Variants in ASZ1 observed in about 807,000 individuals in gnomAD.
ASZ1 encodes ankyrin repeat, SAM and basic leucine zipper domain-containing protein 1.
Under a neutral mutation model 61.8 loss-of-function variants are expected in ASZ1, and 67 were observed. The observed-to-expected ratio is 1.08, with a 90% confidence interval of 0.89 to 1.33. ASZ1 has a LOEUF of 1.33. ASZ1 is among the 40% of genes most tolerant of loss of function. The pLI, the probability that ASZ1 is intolerant of heterozygous loss-of-function variation, is 0.00. For synonymous variants in ASZ1, 193 were observed against 192.7 expected (o/e 1.00, Z -0.01); for missense variants, 577 against 554.5 (o/e 1.04, Z -0.41).
intron 11 of ASZ1, chr7:117,367,905 A>C: frequency 6.1e-6 from 6 of 979,000 alleles, no homozygotes; most frequent in Non-Finnish European, 7.3e-6. Flanking sequence ...TTTTTGAGAA[A>C]GTGTCTTGTT....
intron 4 of ASZ1, among the ~76,000 whole-genome samples, chr7:117,409,531 G>A (rs1054781415): frequency 6.6e-5 from 10 of 151,736 alleles, no homozygotes; most frequent in African/African-American, 2.2e-4. Context: ...ATATGTTCAG[G>A]AAGAACACAT....
intron 5 of ASZ1, among the ~76,000 whole-genome samples, chr7:117,385,267 CT>C (rs1192639927): frequency 2.7e-5 from 4 of 149,684 alleles, no homozygotes; most frequent in African/African-American, 7.4e-5. Context: ...CTTTTCTTTT[CT>C]TTTTTTTTGA....
At chr7:117,370,540 C>G (rs536075850) in intron 10 of ASZ1, among the ~76,000 whole-genome samples, 1 of 152,156 alleles carries the variant, frequency 6.6e-6, no homozygotes, top group South Asian at 2.1e-4. Flanking sequence ...TAGAAACAAC[C>G]AAGAAACTTA....
chr7:117,365,207 G>T (rs1327929325), intron 12 of ASZ1, among the ~76,000 whole-genome samples: 5 of 152,086 alleles, frequency 3.3e-5, no homozygotes, highest in Admixed American at 3.3e-4. Flanking sequence ...CTTGCCCAAA[G>T]AACTGTATTT....
chr7:117,366,525 T>C (rs1156563560), intron 12 of ASZ1, among the ~76,000 whole-genome samples: 2 of 152,014 alleles, frequency 1.3e-5, no homozygotes, highest in Non-Finnish European at 2.9e-5. Flanking sequence ...GTGAGCTCTT[T>C]AGTCGACTGG....
chr7:117,427,114 T>C (rs1797236396), intron 1 of ASZ1, among the ~76,000 whole-genome samples, 179 bp from the exon 2 acceptor site: 1 of 152,172 alleles, frequency 6.6e-6, no homozygotes, highest in Non-Finnish European at 1.5e-5. Context: ...TAGGTAATGA[T>C]GGATCCAAAC....
chr7:117,382,193 C>T lies in ASZ1; in HGVS notation c.813-49G>A, dbSNP rs377254051. 4.5e-6 allele frequency: 5 copies of T among 1,100,742 alleles called. No individual in the cohort carries two copies. In the African/African-American group the frequency reaches 6.3e-5, roughly 14 times the overall value. 68.2% of individuals were successfully genotyped at this position (1,100,742 alleles called of 1,614,324 possible). On this transcript the variant is annotated intron_variant, in intron 7 of 12. Coordinates refer to ENST00000284629, the MANE Select transcript of ASZ1 (RefSeq NM_130768.3). Reference sequence around the variant, plus strand: ...AATTTCAGAACAGATTATAAATGCACAAGCGATAAATATACATTTATATTG... The same window carrying T: ...AATTTCAGAACAGATTATAAATGCATAAGCGATAAATATACATTTATATTG...
At chr7:117,364,966 C>CTT (rs142204744) in intron 12 of ASZ1, among the ~76,000 whole-genome samples, 3,465 of 152,236 alleles carry the variant, frequency 0.023, 130 homozygotes, top group African/African-American at 0.079. Flanking sequence ...CACCCTCTCT[C>CTT]TGTTACCTCC....
intron 4 of ASZ1, among the ~76,000 whole-genome samples, chr7:117,409,603 T>C (rs2116516383): frequency 6.6e-6 from 1 of 151,998 alleles, no homozygotes; most frequent in East Asian, 1.9e-4. Flanking sequence ...ATCTGTTTAA[T>C]AAAAATGAAT....
At chr7:117,426,977 T>G in intron 1 of ASZ1, 42 bp from the exon 2 acceptor site, 1 of 1,541,664 alleles carries the variant, frequency 6.5e-7, no homozygotes, top group Non-Finnish European at 8.7e-7. Context: ...TTATATATAT[T>G]TTTGTTTCCA....
intron 10 of ASZ1, 105 bp downstream of exon 10, chr7:117,379,833 A>G (rs1219095086): frequency 1.0e-5 from 7 of 678,996 alleles, no homozygotes; most frequent in African/African-American, 1.8e-5. Context: ...ACCCTGGGAA[A>G]ATGATGGTAT....
chr7:117,394,913 G>C (rs1463672942), intron 4 of ASZ1, among the ~76,000 whole-genome samples: 4 of 152,072 alleles, frequency 2.6e-5, no homozygotes, highest in Non-Finnish European at 5.9e-5. Context: ...ATTTTGTGAA[G>C]GCAAATCCCT....
At chr7:117,409,437 T>A (rs895437877) in intron 4 of ASZ1, among the ~76,000 whole-genome samples, 5 of 151,834 alleles carry the variant, frequency 3.3e-5, no homozygotes, top group African/African-American at 1.2e-4. Context: ...AAAATATAAA[T>A]AAGGTGTCAG....
At chr7:117,424,574 G>C (rs1173654526) in intron 2 of ASZ1, among the ~76,000 whole-genome samples, 1 of 152,122 alleles carries the variant, frequency 6.6e-6, no homozygotes, top group East Asian at 1.9e-4. Context: ...TTAGCAGTAG[G>C]CTCTGTTCAA....
chr7:117,397,486 T>TA (rs1429035655), intron 4 of ASZ1, among the ~76,000 whole-genome samples: 1 of 152,184 alleles, frequency 6.6e-6, no homozygotes, highest in Non-Finnish European at 1.5e-5. Flanking sequence ...GCTGAGAACA[T>TA]AAAAAATATC....
Position 117,422,437 on chromosome 7 carries a change from C to A in ASZ1, c.206-78G>T, listed in dbSNP as rs555708367. 8.8e-6 allele frequency: 13 copies of A among 1,471,142 alleles called. No individual in the cohort carries two copies. The African/African-American group carries it at 1.8e-4, about 21-fold the overall frequency. 91.1% of individuals were successfully genotyped at this position (1,471,142 alleles called of 1,614,324 possible). ...TCAGTCACCTTATATGCTTAAAGTA[C>A]TGTGTAAAGTGACGTACATCATGTA... On this transcript the variant is annotated intron_variant, in intron 2 of 12. Transcript: ENST00000284629.
intron 4 of ASZ1, among the ~76,000 whole-genome samples, chr7:117,407,920 TAG>T (rs1319992060): frequency 6.6e-6 from 1 of 152,118 alleles, no homozygotes; most frequent in Non-Finnish European, 1.5e-5. Context: ...TTAGTGTGTA[TAG>T]AGTCTTCGTC....
chr7:117,385,581 TCAC>T, intron 5 of ASZ1, 114 bp downstream of exon 5: 1 of 861,510 alleles, frequency 1.2e-6, no homozygotes, highest in South Asian at 1.8e-5. Context: ...TTGCTTTTTT[TCAC>T]CAGATAGCAA....
intron 4 of ASZ1, among the ~76,000 whole-genome samples, chr7:117,402,859 T>G (rs1796706263): frequency 6.6e-6 from 1 of 152,178 alleles, no homozygotes; most frequent in African/African-American, 2.4e-5. Context: ...TAAATGTCTG[T>G]GCTGCCCATA....
Sources: allele counts gnomAD v4.1 joint callset (sites outside exome capture counted in the v4.1 genomes callset), GRCh38; gene constraint gnomAD v4.1.1; transcripts MANE v1.5; gene names NCBI Gene and HGNC (gene_info 2026-07-23, HGNC 2026-07-21).